Variants in SNTA1 observed in about 807,000 individuals in gnomAD.
The protein encoded by SNTA1 is syntrophin alpha 1, also known as alpha-1-syntrophin.
A neutral mutation model predicts 47.1 loss-of-function variants in SNTA1; 31 were observed. That is an observed-to-expected ratio of 0.66 (90% confidence interval 0.49 to 0.89). SNTA1 has a LOEUF of 0.89. SNTA1 is among the 40% of genes least tolerant of loss of function. The pLI, the probability that SNTA1 is intolerant of heterozygous loss-of-function variation, is 0.00. For synonymous variants in SNTA1, 300 were observed against 313.6 expected, an observed-to-expected ratio of 0.96 and a Z score of 0.46; for missense variants, 575 against 693.0, an observed-to-expected ratio of 0.83 and a Z score of 1.91.
At position 33,417,689 on chromosome 20, in the gene SNTA1, C is replaced by T. The variant is rs759755905; in HGVS notation, c.701+30G>A. 13 of 1,538,078 alleles carry T rather than the reference C, an allele frequency of 8.5e-6. No homozygotes were observed. The South Asian group carries it at 1.5e-4, about 17-fold the overall frequency. ...ACCACCTGACGCCAGGGCATCTGTC[C>T]ATCTGAGTTGCTCCCAACCCCAGCC... On this transcript the variant is annotated intron_variant, in intron 3 of 7. Coordinates refer to ENST00000217381, the MANE Select transcript of SNTA1 (RefSeq NM_003098.3).
At chr20:33,427,195 C>T (rs1990189735) in intron 2 of SNTA1, among the ~76,000 whole-genome samples, 1 of 152,134 alleles carries the variant, frequency 6.6e-6, no homozygotes, top group South Asian at 2.1e-4. Context: ...ATTTCTGCTG[C>T]TGTTCCTAGT....
intron 3 of SNTA1, among the ~76,000 whole-genome samples, chr20:33,414,703 G>T (rs751387457): frequency 9.9e-5 from 15 of 152,158 alleles, no homozygotes; most frequent in Non-Finnish European, 1.9e-4. Context: ...TTTGGCTTTT[G>T]TCTTATTTCT....
rs1441602778 is a variant in SNTA1 at position 33,410,235 on chromosome 20, G to A, written c.1137C>T (p.His379=). 1 of 1,613,712 alleles carries A rather than the reference G, an allele frequency of 6.2e-7. No individual in the cohort carries two copies. Among genetic ancestry groups the A allele is most frequent in the Non-Finnish European group, 8.5e-7 (1 of 1,179,978 alleles). The change falls in exon 6 of 8, where the codon CAC becomes CAT. Residue 379 remains histidine, a synonymous_variant. Transcript: ENST00000217381. ...RTGTRHGVDT[H]LFSVESPQEL... ...CCTGCGGTGACTCCACGCTGAACAG[G>A]TGAGTGTCCACACCGTGACGCGTGC... is the stretch of plus-strand genomic sequence containing the variant.
intron 3 of SNTA1, among the ~76,000 whole-genome samples, chr20:33,416,004 A>G (rs928259354): frequency 1.3e-5 from 2 of 152,038 alleles, no homozygotes; most frequent in South Asian, 2.1e-4. Context: ...GCTACTCAGA[A>G]GTCTGAGGCA....
At chr20:33,421,437 C>T (rs558222446) in intron 2 of SNTA1, among the ~76,000 whole-genome samples, 1 of 151,324 alleles carries the variant, frequency 6.6e-6, no homozygotes, top group Admixed American at 6.6e-5. Flanking sequence ...ATGGCGAAAC[C>T]CTGTCTCTAC....
rs910362668 is a variant in SNTA1, at chr20:33,410,106, A to T, written c.1237+29T>A. 8 of 1,610,868 alleles carry T rather than the reference A, an allele frequency of 5.0e-6. No homozygotes were observed. The South Asian group carries it at 7.7e-5, about 15-fold the overall frequency. On this transcript the variant is annotated intron_variant, in intron 6 of 7. Transcript: ENST00000217381. ...CTGGGGATAAGAGGCTTATTACCAG[A>T]GGGACACTCCCAGATCCTCCCAGCA...
chr20:33,431,108 A>G (rs1344741910), intron 2 of SNTA1, among the ~76,000 whole-genome samples: 1 of 151,808 alleles, frequency 6.6e-6, no homozygotes, highest in African/African-American at 2.4e-5. Context: ...AAATCAAAAC[A>G]ATAATAGCTG....
chr20:33,440,871 G>A (rs1161981506), intron 1 of SNTA1, among the ~76,000 whole-genome samples: 1 of 152,120 alleles, frequency 6.6e-6, no homozygotes, highest in Non-Finnish European at 1.5e-5. Context: ...CCTCAAACCG[G>A]AATCAAGAGA....
At chr20:33,412,844 GCCCAAGAAACCC>G in intron 3 of SNTA1, 62 bp from the exon 4 acceptor site, 2 of 1,219,468 alleles carry the variant, frequency 1.6e-6, no homozygotes, top group Admixed American at 3.9e-5. Context: ...CCCAACCCTG[GCCCAAGAAACCC>G]CACCCACCAC....
chr20:33,442,295 G>A (rs1376148681), intron 1 of SNTA1, among the ~76,000 whole-genome samples: 1 of 152,152 alleles, frequency 6.6e-6, no homozygotes, highest in African/African-American at 2.4e-5. Context: ...ACCAGTACCA[G>A]GGAGACCCCA....
In SNTA1 at chr20:33,417,804, G is replaced by T; in HGVS notation, c.616C>A (p.Pro206Thr). ...QRQPSSPGPT[P>T]RNFSEAKHMS... ...TGTTTGGCCTCGCTGAAGTTCCGGGGTGTGGGGCCAGGGGAGGAAGGCTGC... is the reference window on the plus strand; with the variant it reads ...TGTTTGGCCTCGCTGAAGTTCCGGGTTGTGGGGCCAGGGGAGGAAGGCTGC... Residue 206 changes from proline to threonine, a missense_variant, in exon 3 of 8, where the codon CCC becomes ACC. Pro to Thr is a conservative substitution (Grantham distance 38, BLOSUM62 -1). Transcript: ENST00000217381. 1 of 1,614,122 alleles carries T rather than the reference G, an allele frequency of 6.2e-7. No individual in the cohort carries two copies. Among genetic ancestry groups the T allele is most frequent in the Non-Finnish European group, 8.5e-7 (1 of 1,180,004 alleles).
At position 33,408,174 on chromosome 20, in the gene SNTA1, C is replaced by A; in HGVS notation, c.*333G>T. The A allele has an allele frequency of 2.6e-6, 1 of 384,752 alleles. No individual in the cohort carries two copies. The highest frequency in any genetic ancestry group is 5.0e-6 in the Non-Finnish European group (1 of 201,126). The allele number at this position is 384,752 out of a possible 1,614,324, so 23.8% of individuals were successfully genotyped here. On this transcript the variant is annotated 3_prime_UTR_variant, in exon 8 of 8. Coordinates refer to ENST00000217381, the MANE Select transcript of SNTA1 (RefSeq NM_003098.3). Reference sequence around the variant, plus strand: ...GTGGCTTAGGGGCCTCGAGGAGGCCCGGCAGCTCAGCTGTTGGCTGGGGTC... The same window carrying A: ...GTGGCTTAGGGGCCTCGAGGAGGCCAGGCAGCTCAGCTGTTGGCTGGGGTC...
intron 3 of SNTA1, among the ~76,000 whole-genome samples, chr20:33,417,035 C>T (rs1989895061): frequency 6.6e-6 from 1 of 151,704 alleles, no homozygotes; most frequent in Non-Finnish European, 1.5e-5. Flanking sequence ...ATCACTTGAA[C>T]CCAGGAGGCA....
chr20:33,415,246 G>A (rs149081237), intron 3 of SNTA1, among the ~76,000 whole-genome samples: 82 of 152,214 alleles, frequency 5.4e-4, no homozygotes, highest in Non-Finnish European at 6.6e-4. Context: ...TCATCTACAC[G>A]TGCGCACACT....
chr20:33,408,236 G>C lies in SNTA1; in HGVS notation c.*271C>G. The C allele has an allele frequency of 2.0e-6, 1 of 499,482 alleles. No individual in the cohort carries two copies. 30.9% of individuals were successfully genotyped at this position (499,482 alleles called of 1,614,324 possible). On this transcript the variant is annotated 3_prime_UTR_variant, in exon 8 of 8. Transcript: ENST00000217381. ...AGGGGCAGGTCCCAGACTCGGAATG[G>C]CTTCTGTGTACACAAAATATCTCTC...
At chr20:33,442,076 C>G (rs550280043) in intron 1 of SNTA1, among the ~76,000 whole-genome samples, 1 of 152,274 alleles carries the variant, frequency 6.6e-6, no homozygotes, top group Non-Finnish European at 1.5e-5. Context: ...ACTATGTAAT[C>G]GTGGGAAAAT....
At chr20:33,439,314 G>A (rs1048583761) in intron 1 of SNTA1, among the ~76,000 whole-genome samples, 13 of 152,012 alleles carry the variant, frequency 8.6e-5, no homozygotes, top group Admixed American at 8.5e-4. Flanking sequence ...GATCAGCCTG[G>A]GCAACATGGG....
chr20:33,409,075 A>C (rs902694284), intron 6 of SNTA1, among the ~76,000 whole-genome samples, 187 bp from the exon 7 acceptor site: 1 of 151,872 alleles, frequency 6.6e-6, no homozygotes, highest in Non-Finnish European at 1.5e-5. Context: ...GAGGACCTAC[A>C]CCCACTTCCA....
intron 3 of SNTA1, among the ~76,000 whole-genome samples, chr20:33,414,332 C>T (rs527327127): frequency 2.0e-5 from 3 of 151,162 alleles, no homozygotes; most frequent in African/African-American, 4.9e-5. Context: ...GTGGCTCACA[C>T]CTGTAATCCC....
Sources: gnomAD v4.1 joint callset for allele counts (sites outside exome capture counted in the v4.1 genomes callset) on GRCh38, gnomAD v4.1.1 for gene constraint, MANE v1.5 for transcripts, NCBI Gene and HGNC (gene_info 2026-07-23, HGNC 2026-07-21) for gene names.